The following SNAP91 variants were observed in gnomAD, a reference collection of about 807,000 sequenced individuals.
The protein encoded by SNAP91 is clathrin coat assembly protein AP180.
In SNAP91, 27 loss-of-function variants were observed where a neutral mutation model predicts 100.3. The observed-to-expected ratio is 0.27, with a 90% CI of 0.20 to 0.37. The LOEUF (loss-of-function observed/expected upper bound fraction) is 0.37, where lower values mean the gene tolerates loss of function less well. Among genes scored for constraint, SNAP91 ranks in the 10% least tolerant of loss-of-function variants. The probability of loss-of-function intolerance (pLI) is 1.00; values close to 1 mark genes in which losing one functional copy is unlikely to be tolerated. For missense variants in SNAP91, 986 were observed against 1,123.7 expected (o/e 0.88, Z 1.75); for synonymous variants, 404 against 398.6 (o/e 1.01, Z -0.16).
intron 8 of SNAP91, among the ~76,000 whole-genome samples, chr6:83,627,600 A>G (rs1217937705): frequency 6.6e-6 from 1 of 151,944 alleles, no homozygotes; most frequent in Non-Finnish European, 1.5e-5. Flanking sequence ...GTTTCCAGAA[A>G]TTTATCCATT....
Position 83,605,794 on chromosome 6 carries a change from T to G in SNAP91, c.1032A>C (p.Lys344Asn), listed in dbSNP as rs2095572110. Residue 344 changes from lysine (K) to asparagine (N), a missense_variant, in exon 14 of 30, where the codon AAA becomes AAC. This residue lies in a region of SNAP91 where 330 missense variants were observed against 447.5 expected (regional missense o/e 0.74). Coordinates refer to ENST00000369694, the MANE Select transcript of SNAP91 (RefSeq NM_001242792.2). ...GGAGGTCCAGGAGATCACTAGATGG[T>G]TTAGAAGTGCTGAAAGGAAAATAAA... ...ASAAVPVSTS[K>N]PSSDLLDLQP... 1 of 1,539,862 alleles carries G rather than the reference T, an allele frequency of 6.5e-7. No individual in the cohort carries two copies. Among genetic ancestry groups the G allele is most frequent in the Admixed American group, 2.1e-5 (1 of 48,062 alleles).
At chr6:83,636,682 G>C (rs539586961) in intron 8 of SNAP91, among the ~76,000 whole-genome samples, 49 of 152,272 alleles carry the variant, frequency 3.2e-4, no homozygotes, top group African/African-American at 1.2e-3. Context: ...AATGTGGTTA[G>C]GATTCATTGC....
intron 28 of SNAP91, among the ~76,000 whole-genome samples, chr6:83,557,264 T>C (rs1427668700): frequency 6.6e-6 from 1 of 152,146 alleles, no homozygotes; most frequent in African/African-American, 2.4e-5. Context: ...TGTATATTTT[T>C]ATTAGTTCAG....
chr6:83,606,330 A>G lies in SNAP91; in HGVS notation c.1023-527T>C, dbSNP rs2095611654. On this transcript the variant is annotated intron_variant, in intron 13 of 29. Coordinates refer to ENST00000369694, the MANE Select transcript of SNAP91 (RefSeq NM_001242792.2). The stretch of plus-strand genomic sequence containing the variant: ...ATTTATCTTTTTCCTACGTTAGACT[A>G]TAATATATCAAGTTTGCCTGTAAGA... Among the ~76,000 whole-genome samples, 3 of 152,240 alleles carry G rather than the reference A, an allele frequency of 2.0e-5. No homozygotes were observed. In the South Asian group the frequency reaches 6.2e-4, roughly 32 times the overall value.
chr6:83,646,331 A>T (rs1288997673), intron 7 of SNAP91, among the ~76,000 whole-genome samples: 3 of 152,112 alleles, frequency 2.0e-5, no homozygotes, highest in Non-Finnish European at 4.4e-5. Context: ...CTCCTATGTT[A>T]CCTTCCAGGA....
intron 14 of SNAP91, among the ~76,000 whole-genome samples, chr6:83,601,967 C>G (rs2095272867): frequency 6.6e-6 from 1 of 152,040 alleles, no homozygotes; most frequent in African/African-American, 2.4e-5. Flanking sequence ...AATTTTAATT[C>G]TAATAAATTC....
At position 83,639,164 on chromosome 6, in the gene SNAP91, A is replaced by T. The variant is rs553167056; in HGVS notation, c.765+1932T>A. Among the ~76,000 whole-genome samples the T allele has an allele frequency of 6.6e-5, 10 of 152,308 alleles. No individual in the cohort carries two copies. The South Asian group carries it at 2.1e-3, about 32-fold the overall frequency. On this transcript the variant is annotated intron_variant, in intron 8 of 29. Coordinates refer to ENST00000369694, the MANE Select transcript of SNAP91 (RefSeq NM_001242792.2). ...TGTATTTTGAAAATCATATTCTAGA[A>T]GTCTTCCTGAGACTCTTCAGGTAAA...
chr6:83,588,745 C>G (rs1562233423), intron 22 of SNAP91, among the ~76,000 whole-genome samples: 2 of 152,162 alleles, frequency 1.3e-5, no homozygotes, highest in African/African-American at 2.4e-5. Flanking sequence ...CAGGAAAAGG[C>G]CTTTCAGCTC....
At chr6:83,563,494 C>CTAA (rs2127905622) in intron 26 of SNAP91, among the ~76,000 whole-genome samples, 2 of 152,196 alleles carry the variant, frequency 1.3e-5, no homozygotes, top group South Asian at 4.1e-4. Context: ...TATGAAAGTT[C>CTAA]TAAGTCAGGG....
At chr6:83,620,286 C>T (rs2096659807) in intron 9 of SNAP91, among the ~76,000 whole-genome samples, 2 of 152,298 alleles carry the variant, frequency 1.3e-5, no homozygotes, top group African/African-American at 2.4e-5. Flanking sequence ...TCTTCTTTAA[C>T]ACTCTCTTCT....
intron 8 of SNAP91, among the ~76,000 whole-genome samples, chr6:83,634,148 T>G (rs538984871): frequency 2.2e-4 from 33 of 152,302 alleles, no homozygotes; most frequent in African/African-American, 7.7e-4. Context: ...GCTGGAGATT[T>G]CTTTCTCCCT....
At chr6:83,558,662 A>C (rs1187246969) in intron 28 of SNAP91, among the ~76,000 whole-genome samples, 1 of 152,258 alleles carries the variant, frequency 6.6e-6, no homozygotes, top group African/African-American at 2.4e-5. Context: ...TCACAGCAGC[A>C]GGTATTCCAT....
At chr6:83,632,100 T>C (rs1298118662) in intron 8 of SNAP91, among the ~76,000 whole-genome samples, 3 of 152,112 alleles carry the variant, frequency 2.0e-5, no homozygotes, top group African/African-American at 7.2e-5. Flanking sequence ...CTTTCCTTTA[T>C]ATATGAAGCT....
chr6:83,676,385 G>C (rs1308428195), intron 2 of SNAP91, among the ~76,000 whole-genome samples: 5 of 152,142 alleles, frequency 3.3e-5, no homozygotes, highest in Non-Finnish European at 7.4e-5. Context: ...CTTCAGATAG[G>C]GTGATCAGAA....
intron 2 of SNAP91, chr6:83,690,195 A>G: frequency 1.3e-6 from 1 of 792,352 alleles, no homozygotes. Context: ...TAATTTGAAT[A>G]TTTGAATTTT....
Position 83,614,853 on chromosome 6 carries a change from TC to T in SNAP91, c.884+3del. 1 of 1,591,954 alleles carries T rather than the reference TC, an allele frequency of 6.3e-7. No individual in the cohort carries two copies. On this transcript the variant is annotated splice_donor_region_variant and intron_variant, in intron 11 of 29. Coordinates refer to ENST00000369694, the MANE Select transcript of SNAP91 (RefSeq NM_001242792.2). ...GCAAAAAACTCACTCCATACAGTAC[TC>T]ACCCTTCACTTAAGTTCCAAGGTAA...
chr6:83,608,517 A>C (rs551139604), intron 12 of SNAP91, among the ~76,000 whole-genome samples: 1 of 152,190 alleles, frequency 6.6e-6, no homozygotes, highest in Non-Finnish European at 1.5e-5. Flanking sequence ...TTCACAAGAG[A>C]AAGATTAATG....
intron 26 of SNAP91, among the ~76,000 whole-genome samples, chr6:83,571,794 T>C (rs1002439057): frequency 1.1e-4 from 17 of 152,152 alleles, no homozygotes; most frequent in Admixed American, 7.9e-4. Flanking sequence ...CAGAATGATA[T>C]GGTTTGGCTG....
intron 2 of SNAP91, among the ~76,000 whole-genome samples, chr6:83,698,482 G>A (rs1433292718): frequency 6.6e-6 from 1 of 152,082 alleles, no homozygotes; most frequent in African/African-American, 2.4e-5. Flanking sequence ...TTGAGACTAA[G>A]CAAGGTGACT....
Sources: gnomAD v4.1 joint callset for allele counts (sites outside exome capture counted in the v4.1 genomes callset) on GRCh38, gnomAD v4.1.1 for gene constraint, gnomAD v4.1.1 regional missense constraint, MANE v1.5 for transcripts, NCBI Gene and HGNC (gene_info 2026-07-23, HGNC 2026-07-21) for gene names.